The following SYT9 variants were observed in gnomAD, a reference collection of about 807,000 sequenced individuals.
The protein encoded by SYT9 is synaptotagmin-9.
In SYT9, 22 loss-of-function variants were observed where a neutral mutation model predicts 48.4. The observed-to-expected ratio is 0.45, with a 90% CI of 0.32 to 0.65. The LOEUF is 0.65. Ranked by LOEUF, SYT9 falls within the 30% of genes least tolerant of loss-of-function variation. The pLI, the probability that SYT9 is intolerant of heterozygous loss-of-function variation, is 0.03. For synonymous variants in SYT9, 265 were observed against 245.0 expected, an observed-to-expected ratio of 1.08 and a Z score of -0.76; for missense variants, 577 against 622.0, an observed-to-expected ratio of 0.93 and a Z score of 0.77.
chr11:7,276,929 C>T (rs1848406231), intron 1 of SYT9, among the ~76,000 whole-genome samples: 1 of 151,990 alleles, frequency 6.6e-6, no homozygotes, highest in East Asian at 1.9e-4. Context: ...TGGCAGGCGC[C>T]TGTAATCCCA....
chr11:7,407,091 C>T (rs1240171951), intron 3 of SYT9, among the ~76,000 whole-genome samples: 1 of 152,098 alleles, frequency 6.6e-6, no homozygotes, highest in Admixed American at 6.5e-5. Context: ...CTTTTATATC[C>T]TGCATACTAG....
At chr11:7,413,175 G>A (rs148617240) in intron 3 of SYT9, among the ~76,000 whole-genome samples, 2,065 of 152,282 alleles carry the variant, frequency 0.014, 13 homozygotes, top group Non-Finnish European at 0.02. Flanking sequence ...AGGTAGTTGT[G>A]CAGCATGTGA....
At chr11:7,335,477 C>T (rs531477148) in intron 3 of SYT9, among the ~76,000 whole-genome samples, 58 of 152,202 alleles carry the variant, frequency 3.8e-4, no homozygotes, top group Non-Finnish European at 6.5e-4. Context: ...CACCCTCCAC[C>T]CCCAGAAGGT....
chr11:7,465,305 G>C (rs12284581), intron 6 of SYT9, among the ~76,000 whole-genome samples: 10,730 of 152,226 alleles, frequency 0.07, 480 homozygotes, highest in Non-Finnish European at 0.1. Context: ...CCTTTGCAGT[G>C]AACACACTGG....
Position 7,454,331 on chromosome 11 carries a change from G to A in SYT9, c.1468-12461G>A, listed in dbSNP as rs142361236. On this transcript the variant is annotated intron_variant, in intron 6 of 6. Transcript: ENST00000318881. Reference sequence around the variant, plus strand: ...ATTCCAGATGATGCTTACCATTTCCGCTCTCTGCTGCACTCCAGGCTTCTC... The same window carrying A: ...ATTCCAGATGATGCTTACCATTTCCACTCTCTGCTGCACTCCAGGCTTCTC... 42 of 982,320 alleles carry A rather than the reference G, an allele frequency of 4.3e-5. No homozygotes were observed. The East Asian group carries it at 4.6e-4, about 11-fold the overall frequency. The allele number at this position is 982,320 out of a possible 1,614,324, so 60.9% of individuals were successfully genotyped here. A position where few individuals can be genotyped will look rare whatever the true frequency, so the allele number is the denominator to read the frequency against.
At chr11:7,426,653 C>T (rs1282770928) in intron 6 of SYT9, among the ~76,000 whole-genome samples, 1 of 152,056 alleles carries the variant, frequency 6.6e-6, no homozygotes, top group African/African-American at 2.4e-5. Flanking sequence ...CCCCTCAATC[C>T]ATCTAAACTT....
chr11:7,391,163 A>G (rs151239545), intron 3 of SYT9, among the ~76,000 whole-genome samples: 1 of 152,290 alleles, frequency 6.6e-6, no homozygotes, highest in African/African-American at 2.4e-5. Flanking sequence ...ATTTTGTTCT[A>G]TTCCATGATG....
At chr11:7,323,419 T>C (rs1218657730) in intron 3 of SYT9, among the ~76,000 whole-genome samples, 2 of 152,128 alleles carry the variant, frequency 1.3e-5, no homozygotes, top group South Asian at 2.1e-4. Context: ...ATTTTGTTTC[T>C]TCTTTCTTTT....
At chr11:7,367,662 TTTTC>T (rs1850278516) in intron 3 of SYT9, among the ~76,000 whole-genome samples, 1 of 152,178 alleles carries the variant, frequency 6.6e-6, no homozygotes, top group East Asian at 1.9e-4. Context: ...GGTTTATGTT[TTTTC>T]TTAGTAATTT....
In SYT9 at chr11:7,467,509, A is replaced by G. The variant is rs1382923028; in HGVS notation, c.*709A>G. 1 of 152,220 alleles carries G rather than the reference A, an allele frequency of 6.6e-6. No individual in the cohort carries two copies. Among genetic ancestry groups the G allele is most frequent in the Non-Finnish European group, 1.5e-5 (1 of 68,066 alleles). 9.4% of individuals were successfully genotyped at this position (152,220 alleles called of 1,614,324 possible). On this transcript the variant is annotated 3_prime_UTR_variant, in exon 7 of 7. Transcript: ENST00000318881. Reference sequence around the variant, plus strand: ...AGATTTTGAGGAATCAGAGACCCCCAACACTACTCACTCAGTAGCTAGCAG... The same window carrying G: ...AGATTTTGAGGAATCAGAGACCCCCGACACTACTCACTCAGTAGCTAGCAG...
intron 1 of SYT9, among the ~76,000 whole-genome samples, chr11:7,288,028 C>T (rs759709460): frequency 1.3e-5 from 2 of 151,440 alleles, no homozygotes; most frequent in Non-Finnish European, 2.9e-5. Context: ...AGCATCATAA[C>T]GTCATGGCAG....
intron 3 of SYT9, among the ~76,000 whole-genome samples, chr11:7,337,811 T>C (rs1047860092): frequency 2.0e-5 from 3 of 152,184 alleles, no homozygotes; most frequent in African/African-American, 7.2e-5. Context: ...TCAAGGATAT[T>C]GGCCTGAGGT....
At chr11:7,454,674 C>G (rs1295000615) in intron 6 of SYT9, among the ~76,000 whole-genome samples, 1 of 152,240 alleles carries the variant, frequency 6.6e-6, no homozygotes, top group Non-Finnish European at 1.5e-5. Flanking sequence ...CACAGCCTCT[C>G]ATTCTGAGAT....
intron 1 of SYT9, among the ~76,000 whole-genome samples, chr11:7,255,611 A>T (rs1847953866): frequency 6.6e-6 from 1 of 152,186 alleles, no homozygotes; most frequent in East Asian, 1.9e-4. Flanking sequence ...TTGCAGGTAC[A>T]GCCGCAAGTA....
rs1443394060 is a variant in SYT9 at position 7,418,038 on chromosome 11, A to T, written c.1247A>T (p.Asn416Ile). 1 of 1,614,188 alleles carries T rather than the reference A, an allele frequency of 6.2e-7. No homozygotes were observed. The highest frequency in any genetic ancestry group is 1.1e-5 in the South Asian group (1 of 91,072). ...RKTSTKRNTL[N>I]PVYNEAIVFD... Reference sequence around the variant, plus strand: ...ACATCCACCAAGAGGAACACCTTGAATCCTGTTTACAACGAAGCCATAGTC... The same window carrying T: ...ACATCCACCAAGAGGAACACCTTGATTCCTGTTTACAACGAAGCCATAGTC... Residue 416 changes from asparagine (N) to isoleucine (I), a missense_variant, in exon 5 of 7, where the codon AAT (asparagine) becomes ATT (isoleucine). By Grantham distance (149) the Asn-to-Ile change is moderately radical (BLOSUM62 -3). Transcript: ENST00000318881.
At chr11:7,379,667 A>G (rs536938793) in intron 3 of SYT9, among the ~76,000 whole-genome samples, 1 of 152,234 alleles carries the variant, frequency 6.6e-6, no homozygotes, top group Non-Finnish European at 1.5e-5. Context: ...TTTAATTTAA[A>G]TCTTAATAGT....
chr11:7,250,454 C>T (rs866848463), upstream of SYT9, among the ~76,000 whole-genome samples: 1 of 109,692 alleles, frequency 9.1e-6, no homozygotes, highest in African/African-American at 3.3e-5. Context: ...CCCCGCCACC[C>T]CCCCCCAGCA....
At chr11:7,347,236 A>G (rs868824773) in intron 3 of SYT9, among the ~76,000 whole-genome samples, 2 of 149,406 alleles carry the variant, frequency 1.3e-5, no homozygotes, top group Non-Finnish European at 3.0e-5. Context: ...TCATCAAAAT[A>G]TTTTTTTTTT....
At chr11:7,389,512 A>G (rs1850722381) in intron 3 of SYT9, among the ~76,000 whole-genome samples, 1 of 152,194 alleles carries the variant, frequency 6.6e-6, no homozygotes, top group Non-Finnish European at 1.5e-5. Flanking sequence ...GAACTACAAA[A>G]GGAATAAGCA....
Sources: allele counts gnomAD v4.1 joint callset (sites outside exome capture counted in the v4.1 genomes callset), GRCh38; gene constraint gnomAD v4.1.1; transcripts MANE v1.5; gene names NCBI Gene and HGNC (gene_info 2026-07-23, HGNC 2026-07-21).